Variants in ZNF888 observed in about 807,000 individuals in gnomAD.
ZNF888 encodes zinc finger protein 888, also known as CTD-2331H12.6.
In ZNF888, 5 loss-of-function variants were observed where a neutral mutation model predicts 7.2. The observed-to-expected ratio is 0.70, with a 90% CI of 0.36 to 1.46. The LOEUF (loss-of-function observed/expected upper bound fraction) is 1.46. Ranked by LOEUF, ZNF888 falls within the 40% of genes most tolerant of loss-of-function variation. The pLI, the probability that ZNF888 is intolerant of heterozygous loss-of-function variation, is 0.03. For synonymous variants in ZNF888, 240 were observed against 284.3 expected (o/e 0.84, Z 1.57); for missense variants, 716 against 858.0 (o/e 0.83, Z 2.07).
intron 4 of ZNF888, chr19:52,914,154 G>A (rs989412181): frequency 1.4e-4 from 22 of 159,016 alleles, no homozygotes; most frequent in African/African-American, 5.3e-4. Flanking sequence ...AGATAAGTGA[G>A]GGCAAAGAAA....
At position 52,920,200 on chromosome 19, in the gene ZNF888, T is replaced by A. The variant is rs1171897091; in HGVS notation, c.-177-1263A>T. ...CCGTCTGGGACGTGTGCCCAGCGGC[T>A]CATTGGGGATGGGCCATGATGACAA... On this transcript the variant is annotated intron_variant, in intron 1 of 4. Transcript: ENST00000638862. 3.2e-5 allele frequency among the ~76,000 whole-genome samples: 2 copies of A among 62,838 alleles called. 1 individual carries two copies. Among genetic ancestry groups the A allele is most frequent in the Non-Finnish European group, 7.5e-5 (2 of 26,810 alleles). The allele number at this position is 62,838 out of a possible 152,430, so 41.2% of individuals were successfully genotyped here. A position where few individuals can be genotyped will look rare whatever the true frequency, so the allele number is the denominator to read the frequency against.
chr19:52,917,864 G>T lies in ZNF888; in HGVS notation c.10C>A (p.Pro4Thr), dbSNP rs765793440. The T allele has an allele frequency of 6.8e-6, 11 of 1,613,122 alleles. 1 individual carries two copies. The South Asian group carries it at 9.9e-5, about 14-fold the overall frequency. ...CACAGAGAATATCATCTCACCTGAG[G>T]AAGAGCCATCCCTGACTCCTTTGCT... is the stretch of plus-strand genomic sequence containing the variant. The part of the protein sequence containing the change: MAL[P>T]QGLLTFRDVA... The change falls in exon 3 of 5, where the codon CCT (proline) becomes ACT (threonine). Residue 4 changes from proline (P) to threonine (T), a missense_variant. By Grantham distance (38) the Pro-to-Thr change is conservative (BLOSUM62 -1). This residue lies in a region of ZNF888 where 19 missense variants were observed against 54.7 expected (regional missense o/e 0.35). Transcript: ENST00000638862.
At chr19:52,917,602 CCT>C (rs2064766394) in intron 3 of ZNF888, among the ~76,000 whole-genome samples, 1 of 152,086 alleles carries the variant, frequency 6.6e-6, no homozygotes, top group African/African-American at 2.4e-5. Flanking sequence ...ACCATAGGAC[CCT>C]CACCCCGTCT....
intron 3 of ZNF888, chr19:52,917,210 T>G (rs2064762021): frequency 6.4e-6 from 1 of 156,446 alleles, no homozygotes; most frequent in Non-Finnish European, 1.4e-5. Flanking sequence ...GACAGAGTTT[T>G]GCTCTTGTTA....
rs1229508353 is a variant in ZNF888 at position 52,906,870 on chromosome 19, A to G, written c.1452T>C (p.His484=). ...VFSRKSHLER[H]RRIHTGEKPY... ...GTTTCTCACCAGTGTGAATTCTCCT[A>G]TGTCTTTCAAGGTGTGATTTGCGAC... Residue 484 remains histidine, a synonymous_variant, in exon 5 of 5, where the codon CAT becomes CAC. Transcript: ENST00000638862. 32 of 1,611,836 alleles carry G rather than the reference A, an allele frequency of 2.0e-5. No homozygotes were observed. In the South Asian group the frequency reaches 2.7e-4, roughly 14 times the overall value.
chr19:52,907,621 A>C lies in ZNF888; in HGVS notation c.701T>G (p.Ile234Arg). ...NCSSLFKKHQ[I>R]IHLGEKQYKC... is the part of the protein sequence containing the mutation. ...ATATTGTTTCTCTCCTAGATGAATT[A>C]TCTGATGTTTTTTAAAGAGTGAGCT... Residue 234 changes from isoleucine (I) to arginine (R), a missense_variant, in exon 5 of 5, where the codon ATA becomes AGA. Ile to Arg is a moderately conservative substitution (Grantham distance 97). This residue lies in a region of ZNF888 where 697 missense variants were observed against 803.4 expected (regional missense o/e 0.87). Coordinates refer to ENST00000638862, the MANE Select transcript of ZNF888 (RefSeq NM_001393938.1). 6.2e-7 allele frequency: 1 copy of C among 1,601,700 alleles called. No homozygotes were observed. The highest frequency in any genetic ancestry group is 1.1e-5 in the South Asian group (1 of 88,490).
chr19:52,911,342 CTTT>C (rs200448605), intron 4 of ZNF888, among the ~76,000 whole-genome samples: 5 of 143,290 alleles, frequency 3.5e-5, no homozygotes, highest in Non-Finnish European at 3.1e-5. Flanking sequence ...GTTTTCTTTT[CTTT>C]TTTTTTTTTT....
chr19:52,911,071 A>C (rs2064671979), intron 4 of ZNF888, among the ~76,000 whole-genome samples: 1 of 152,008 alleles, frequency 6.6e-6, no homozygotes, highest in Non-Finnish European at 1.5e-5. Flanking sequence ...TAGACACGGG[A>C]TTTCACCATG....
rs1323946288 is a variant in ZNF888 at position 52,908,771 on chromosome 19, A to G, written c.143-592T>C. Among the ~76,000 whole-genome samples, 167 of 150,634 alleles carry G rather than the reference A, an allele frequency of 1.1e-3. 1 individual carries two copies. The highest frequency in any genetic ancestry group is 6.3e-4 in the South Asian group (3 of 4,760). On this transcript the variant is annotated intron_variant, in intron 4 of 4. Transcript: ENST00000638862. The stretch of plus-strand genomic sequence containing the variant: ...TGAGGCACAAGAATCACTTTAAGCC[A>G]AGAGGCAAAGGTTGCAGTGAGCCAA...
Position 52,920,489 on chromosome 19 carries a change from CAAAAAAAAAAAAAAAAAAA to C in ZNF888, c.-177-1571_-177-1553del, listed in dbSNP as rs1191621530. 2.9e-4 allele frequency among the ~76,000 whole-genome samples: 2 copies of C among 6,868 alleles called. 1 individual carries two copies. Among genetic ancestry groups the C allele is most frequent in the African/African-American group, 7.9e-4 (2 of 2,536 alleles). The allele number at this position is 6,868 out of a possible 152,430, so 4.5% of individuals were successfully genotyped here. The stretch of plus-strand genomic sequence containing the variant: ...GCTTTGTTAAACAGATGCTTGAAGG[CAAAAAAAAAAAAAAAAAAA>C]AAAAAAAAGAAAAAAAAAGAAAAGG... On this transcript the variant is annotated intron_variant, in intron 1 of 4. Transcript: ENST00000638862.
At chr19:52,921,265 A>G (rs2064820178) in intron 1 of ZNF888, among the ~76,000 whole-genome samples, 1 of 152,226 alleles carries the variant, frequency 6.6e-6, no homozygotes, top group Non-Finnish European at 1.5e-5. Flanking sequence ...GGACACTGGC[A>G]GGGGCCCTGG....
In ZNF888 at chr19:52,907,466, C is replaced by T; in HGVS notation, c.856G>A (p.Ala286Thr). The change falls in exon 5 of 5, where the codon GCA becomes ACA. Residue 286 changes from alanine (A) to threonine (T), a missense_variant. This residue lies in a region of ZNF888 where 697 missense variants were observed against 803.4 expected (regional missense o/e 0.87). Transcript: ENST00000638862. ...CCAGTATGACGTCTATAATGACGTGCAAGGTATGCTTTTTTATTAAAAACC... is the reference window on the plus strand; with the variant it reads ...CCAGTATGACGTCTATAATGACGTGTAAGGTATGCTTTTTTATTAAAAACC... ...GKVFNKKAYL[A>T]RHYRRHTGEK... The T allele has an allele frequency of 6.2e-7, 1 of 1,605,204 alleles. No homozygotes were observed. Among genetic ancestry groups the T allele is most frequent in the Admixed American group, 1.7e-5 (1 of 58,480 alleles).
At chr19:52,911,627 C>T (rs557942967) in intron 4 of ZNF888, among the ~76,000 whole-genome samples, 40 of 151,340 alleles carry the variant, frequency 2.6e-4, no homozygotes, top group African/African-American at 5.6e-4. Context: ...CGTGAGCCAC[C>T]GTGCCCAGCA....
chr19:52,920,507 A>AAG (rs2064812627), intron 1 of ZNF888, among the ~76,000 whole-genome samples: 1 of 33,286 alleles, frequency 3.0e-5, no homozygotes, highest in Non-Finnish European at 6.1e-5. Context: ...AAAAAAAAAA[A>AAG]AAAAAAAAAG....
chr19:52,906,461 G>T lies in ZNF888; in HGVS notation c.1861C>A (p.Leu621Ile). ...CDKVFNIKSH[L>I]EIHRRVHTGE... Reference sequence around the variant, plus strand: ...GTATGAACTCTCCTATGTATTTCAAGGTGTGATTTGATATTGAAAACTTTG... The same window carrying T: ...GTATGAACTCTCCTATGTATTTCAATGTGTGATTTGATATTGAAAACTTTG... Residue 621 changes from leucine to isoleucine, a missense_variant, in exon 5 of 5, where the codon CTT (leucine) becomes ATT (isoleucine). Physicochemically the swap from Leu to Ile is conservative, Grantham distance 5. Coordinates refer to ENST00000638862, the MANE Select transcript of ZNF888 (RefSeq NM_001393938.1). 1.2e-6 allele frequency: 2 copies of T among 1,613,196 alleles called. No homozygotes were observed. Among genetic ancestry groups the T allele is most frequent in the Non-Finnish European group, 1.7e-6 (2 of 1,179,582 alleles).
intron 4 of ZNF888, among the ~76,000 whole-genome samples, chr19:52,911,369 T>G (rs28695724): frequency 6.7e-6 from 1 of 148,982 alleles, no homozygotes; most frequent in Non-Finnish European, 1.5e-5. Flanking sequence ...GACGGAGTCT[T>G]GCTCTGTCGC....
chr19:52,918,159 G>A lies in ZNF888; in HGVS notation c.-58-228C>T, dbSNP rs528558375. 54 of 985,390 alleles carry A rather than the reference G, an allele frequency of 5.5e-5. No homozygotes were observed. In the Middle Eastern group the frequency reaches 1.6e-3, roughly 29 times the overall value. The allele number at this position is 985,390 out of a possible 1,614,324, so 61.0% of individuals were successfully genotyped here. On this transcript the variant is annotated intron_variant, in intron 2 of 4. Transcript: ENST00000638862. ...CAGCAGTAGGGATCTGGGCTGGAATGAGCTCCCCTTCAAGGCACAGACCCA... is the reference window on the plus strand; with the variant it reads ...CAGCAGTAGGGATCTGGGCTGGAATAAGCTCCCCTTCAAGGCACAGACCCA...
intron 4 of ZNF888, 85 bp from the exon 5 acceptor site, chr19:52,908,264 A>G: frequency 1.5e-6 from 2 of 1,317,974 alleles, no homozygotes; most frequent in East Asian, 2.3e-5. Context: ...ACCAAAAACA[A>G]TACTTATTTT....
At position 52,913,603 on chromosome 19, in the gene ZNF888, C is replaced by T. The variant is rs190700621; in HGVS notation, c.142+1593G>A. 1.4e-4 allele frequency: 78 copies of T among 538,988 alleles called. No individual in the cohort carries two copies. The African/African-American group carries it at 1.6e-3, about 11-fold the overall frequency. 33.4% of individuals were successfully genotyped at this position (538,988 alleles called of 1,614,324 possible). A position where few individuals can be genotyped will look rare whatever the true frequency, so the allele number is the denominator to read the frequency against. On this transcript the variant is annotated intron_variant, in intron 4 of 4. Coordinates refer to ENST00000638862, the MANE Select transcript of ZNF888 (RefSeq NM_001393938.1). ...CCTCCCAAAGTCCTGGGATTATAGG[C>T]GTGAGCCACTGTACCCGGCCAGGTT...
Sources: allele counts gnomAD v4.1 joint callset (sites outside exome capture counted in the v4.1 genomes callset), GRCh38; gene constraint gnomAD v4.1.1; regional missense constraint gnomAD v4.1.1; transcripts MANE v1.5; gene names NCBI Gene and HGNC (gene_info 2026-07-23, HGNC 2026-07-21).